DPP8: variants seen among roughly 807,000 people sequenced by gnomAD.
DPP8 encodes DPP VIII.
Under a neutral mutation model 107.5 loss-of-function variants are expected in DPP8, and 31 were observed. The observed-to-expected ratio is 0.29, with a 90% CI of 0.22 to 0.39. The LOEUF (loss-of-function observed/expected upper bound fraction) is 0.39, where lower values mean the gene tolerates loss of function less well. Among genes scored for constraint, DPP8 ranks in the 10% least tolerant of loss-of-function variants. The pLI is 1.00. For missense variants in DPP8, 842 were observed against 1,076.1 expected, an observed-to-expected ratio of 0.78 and a Z score of 3.04; for synonymous variants, 381 against 356.6, an observed-to-expected ratio of 1.07 and a Z score of -0.77.
In DPP8 at chr15:65,467,100, C is replaced by T. The variant is rs1319620087; in HGVS notation, c.1660G>A (p.Gly554Ser). ...PGEVTRLTDR[G>S]YSHSCCISQH... The stretch of plus-strand genomic sequence containing the variant: ...CTGATGCAGCAAGAATGTGAGTAGC[C>T]ACGGTCAGTCAGCCTTGTCACCTCT... Residue 554 changes from glycine (G) to serine (S), a missense_variant, in exon 13 of 20, where the codon GGC (glycine) becomes AGC (serine). By Grantham distance (56) the Gly-to-Ser change is moderately conservative (BLOSUM62 0). Transcript: ENST00000300141. 17 of 1,613,970 alleles carry T rather than the reference C, an allele frequency of 1.1e-5. No individual in the cohort carries two copies. The highest frequency in any genetic ancestry group is 1.4e-5 in the Non-Finnish European group (16 of 1,180,028).
At chr15:65,514,759 C>T (rs977986630) in intron 1 of DPP8, among the ~76,000 whole-genome samples, 2 of 152,206 alleles carry the variant, frequency 1.3e-5, no homozygotes. Context: ...ATCCACCCGC[C>T]TTGGCCTCCC....
chr15:65,503,370 T>A (rs1176468299), intron 3 of DPP8, among the ~76,000 whole-genome samples: 1 of 152,122 alleles, frequency 6.6e-6, no homozygotes, highest in Non-Finnish European at 1.5e-5. Context: ...CCTCCCAAAG[T>A]GCTGGGATTA....
intron 12 of DPP8, among the ~76,000 whole-genome samples, chr15:65,473,598 G>C (rs2066115556): frequency 6.6e-6 from 1 of 152,072 alleles, no homozygotes; most frequent in South Asian, 2.1e-4. Context: ...GAGCCTGGGA[G>C]GTTGAGACTG....
At chr15:65,512,614 C>T (rs564625849) in intron 1 of DPP8, 50 bp from the exon 2 acceptor site, 2 of 1,589,104 alleles carry the variant, frequency 1.3e-6, no homozygotes, top group Non-Finnish European at 1.7e-6. Context: ...CTTCTATTAT[C>T]AGAATGATTC....
At chr15:65,469,078 C>A (rs1424883266) in intron 12 of DPP8, among the ~76,000 whole-genome samples, 2 of 152,146 alleles carry the variant, frequency 1.3e-5, no homozygotes, top group East Asian at 1.9e-4. Flanking sequence ...CAGGTTCAAG[C>A]GATTCTCCTG....
chr15:65,491,765 C>A lies in DPP8; in HGVS notation c.716-1466G>T, dbSNP rs59238864. 3.0e-3 allele frequency among the ~76,000 whole-genome samples: 464 copies of A among 152,264 alleles called. 1 individual carries two copies. The highest frequency in any genetic ancestry group is 0.011 in the African/African-American group (447 of 41,568). ...ACATTTTTTTTGAGACGGAGTCTCG[C>A]TCTGTTGCCCAAACTGGAGTGCAGT... On this transcript the variant is annotated intron_variant, in intron 5 of 19. Coordinates refer to ENST00000300141, the MANE Select transcript of DPP8 (RefSeq NM_130434.5).
chr15:65,462,871 G>A (rs893462985), intron 15 of DPP8, among the ~76,000 whole-genome samples: 7 of 152,090 alleles, frequency 4.6e-5, no homozygotes, highest in African/African-American at 1.7e-4. Flanking sequence ...GAGCCACTGC[G>A]CCTGGCCAAA....
intron 15 of DPP8, among the ~76,000 whole-genome samples, 158 bp downstream of exon 15, chr15:65,463,603 G>A (rs927503704): frequency 1.3e-5 from 2 of 150,524 alleles, no homozygotes; most frequent in African/African-American, 2.4e-5. Flanking sequence ...CCAGTTTCCT[G>A]ACCCCCTAAA....
chr15:65,471,340 G>T (rs976891295), intron 12 of DPP8, among the ~76,000 whole-genome samples: 6 of 152,074 alleles, frequency 3.9e-5, no homozygotes, highest in African/African-American at 1.4e-4. Context: ...TTGATACCCT[G>T]AAGTTTTTGT....
Position 65,512,595 on chromosome 15 carries a change from C to T in DPP8, c.-11-31G>A, listed in dbSNP as rs377363623. 87 of 1,609,666 alleles carry T rather than the reference C, an allele frequency of 5.4e-5. No homozygotes were observed. In the African/African-American group the frequency reaches 8.6e-4, roughly 16 times the overall value. On this transcript the variant is annotated intron_variant, in intron 1 of 19. Transcript: ENST00000300141. ...AAAACAAGGCACATGAAGCTGTTCA[C>T]GGGTCTATCTTCTATTATCAGAATG...
intron 5 of DPP8, among the ~76,000 whole-genome samples, chr15:65,495,643 G>A (rs1596063056): frequency 2.0e-5 from 3 of 151,016 alleles, no homozygotes; most frequent in African/African-American, 7.3e-5. Flanking sequence ...GCTCGTGCCT[G>A]TAATCCCAGC....
At chr15:65,484,260 A>G (rs1175562505) in intron 8 of DPP8, among the ~76,000 whole-genome samples, 2 of 151,334 alleles carry the variant, frequency 1.3e-5, no homozygotes, top group African/African-American at 2.4e-5. Flanking sequence ...CAGAAGGCAG[A>G]GGCTGAAGTG....
In DPP8 at chr15:65,463,818, A is replaced by T; in HGVS notation, c.1914T>A (p.His638Gln). 6.2e-7 allele frequency: 1 copy of T among 1,613,116 alleles called. No homozygotes were observed. Among genetic ancestry groups the T allele is most frequent in the Non-Finnish European group, 8.5e-7 (1 of 1,179,476 alleles). The change falls in exon 15 of 20, where the codon CAT (histidine) becomes CAA (glutamine). Residue 638 changes from histidine (H) to glutamine (Q), a missense_variant. Physicochemically the swap from His to Gln is conservative, Grantham distance 24. Coordinates refer to ENST00000300141, the MANE Select transcript of DPP8 (RefSeq NM_130434.5). Reference sequence around the variant, plus strand: ...GATATTTCTTTCCAGGCTGTAGATCATGAGGCTTGTAGAGCATCCCATACA... The same window carrying T: ...GATATTTCTTTCCAGGCTGTAGATCTTGAGGCTTGTAGAGCATCCCATACA... Reference protein sequence around the residue: ...FTLYGMLYKPHDLQPGKKYPT... With the variant: ...FTLYGMLYKPQDLQPGKKYPT...
chr15:65,485,037 C>A, intron 8 of DPP8, 62 bp downstream of exon 8: 1 of 1,284,846 alleles, frequency 7.8e-7, no homozygotes, highest in South Asian at 1.2e-5. Flanking sequence ...ATCAAAGAAC[C>A]CTACTGGGCT....
intron 5 of DPP8, among the ~76,000 whole-genome samples, chr15:65,497,403 C>A (rs907952302): frequency 6.6e-6 from 1 of 152,126 alleles, no homozygotes; most frequent in Non-Finnish European, 1.5e-5. Flanking sequence ...ACTACACATG[C>A]CACTACGCTC....
chr15:65,500,166 C>T (rs189048491), intron 4 of DPP8, among the ~76,000 whole-genome samples: 201 of 152,098 alleles, frequency 1.3e-3, no homozygotes, highest in Non-Finnish European at 2.1e-3. Flanking sequence ...TGTCTGTAAT[C>T]CTAGCACTTT....
intron 16 of DPP8, chr15:65,455,927 T>C: frequency 1.4e-5 from 15 of 1,078,500 alleles, no homozygotes; most frequent in Non-Finnish European, 1.9e-5. Flanking sequence ...TCTCAATTAT[T>C]CCTCAACTGT....
intron 11 of DPP8, among the ~76,000 whole-genome samples, chr15:65,474,948 C>T (rs2066248265): frequency 6.6e-6 from 1 of 152,028 alleles, no homozygotes; most frequent in Admixed American, 6.6e-5. Context: ...CTCAAAAGCA[C>T]CTGCATTCTT....
intron 1 of DPP8, chr15:65,515,702 T>C (rs752845192): frequency 3.1e-6 from 5 of 1,613,768 alleles, no homozygotes; most frequent in Non-Finnish European, 4.2e-6. Context: ...TTCAAAGAGA[T>C]CTTTTTCAAG....
Sources: allele counts gnomAD v4.1 joint callset (sites outside exome capture counted in the v4.1 genomes callset), GRCh38; gene constraint gnomAD v4.1.1; transcripts MANE v1.5; gene names NCBI Gene and HGNC (gene_info 2026-07-23, HGNC 2026-07-21).